The following COPB1 variants were observed in gnomAD, a reference collection of about 807,000 sequenced individuals.
The protein encoded by COPB1 is coatomer subunit beta.
A neutral mutation model predicts 108.7 loss-of-function variants in COPB1; 21 were observed. The ratio of observed to expected loss-of-function variants is 0.19; its 90% CI spans 0.14 to 0.28. COPB1 has a LOEUF of 0.28. Among genes scored for constraint, COPB1 ranks in the 10% least tolerant of loss-of-function variants. The pLI is 1.00. For missense variants in COPB1, 919 were observed against 1,141.3 expected, an observed-to-expected ratio of 0.81 and a Z score of 2.81; for synonymous variants, 378 against 386.8, an observed-to-expected ratio of 0.98 and a Z score of 0.27.
chr11:14,467,020 A>C (rs1850295604), intron 16 of COPB1, among the ~76,000 whole-genome samples: 1 of 152,244 alleles, frequency 6.6e-6, no homozygotes, highest in Non-Finnish European at 1.5e-5. Flanking sequence ...CACCAAAAGC[A>C]TAGGCAATAA....
chr11:14,498,757 T>G (rs1851082470), intron 2 of COPB1, 81 bp downstream of exon 2: 1 of 1,116,596 alleles, frequency 9.0e-7, no homozygotes, highest in East Asian at 2.7e-5. Context: ...CATTTCTAAT[T>G]ATAAAGGAAT....
chr11:14,477,213 C>T (rs983366183), intron 11 of COPB1, among the ~76,000 whole-genome samples, 198 bp from the exon 12 acceptor site: 11 of 150,708 alleles, frequency 7.3e-5, no homozygotes, highest in Non-Finnish European at 1.6e-4. Context: ...GAAATCACGT[C>T]TCTACTAAAA....
chr11:14,486,963 G>A (rs1850788576), intron 6 of COPB1, among the ~76,000 whole-genome samples: 1 of 152,134 alleles, frequency 6.6e-6, no homozygotes, highest in Non-Finnish European at 1.5e-5. Context: ...ATTAAATTTG[G>A]TCCTAAATGT....
chr11:14,473,457 C>T (rs1033477361), intron 14 of COPB1, among the ~76,000 whole-genome samples: 5 of 152,152 alleles, frequency 3.3e-5, no homozygotes, highest in Admixed American at 6.5e-5. Context: ...AAGTGAAAGA[C>T]ATGTGACTCT....
intron 14 of COPB1, among the ~76,000 whole-genome samples, chr11:14,470,944 A>ACACACACACACACACACTCTCT (rs1285522756): frequency 6.7e-5 from 6 of 90,156 alleles, no homozygotes; most frequent in African/African-American, 3.1e-4. Flanking sequence ...ACACACACAC[A>ACACACACACACACACACTCTCT]CTCTCTCTCT....
chr11:14,462,235 T>A (rs1850172948), intron 18 of COPB1, among the ~76,000 whole-genome samples: 1 of 144,522 alleles, frequency 6.9e-6, no homozygotes, highest in South Asian at 2.2e-4. Context: ...TTTCTTTTCT[T>A]TTTTTTTTTT....
At chr11:14,461,058 A>T (rs547754565) in intron 19 of COPB1, 128 bp downstream of exon 19, 70 of 1,155,474 alleles carry the variant, frequency 6.1e-5, no homozygotes, top group Non-Finnish European at 8.7e-5. Flanking sequence ...GCAAGAACAG[A>T]TACTGAAAGA....
intron 11 of COPB1, 29 bp downstream of exon 11, chr11:14,479,540 C>T (rs1436319321): frequency 7.0e-6 from 11 of 1,577,148 alleles, no homozygotes; most frequent in Non-Finnish European, 9.5e-6. Context: ...GCTTACTTGA[C>T]CTTACATTTA....
rs772029549 is a variant in COPB1 at position 14,493,706 on chromosome 11, A to C, written c.427T>G (p.Cys143Gly). ...LEPLMPAIRA[C>G]LEHRHSYVRR... ...ACATAGCTGTGTCGATGCTCCAAAC[A>C]TGCACGAATAGCTGGCATTAAAGGT... is the stretch of plus-strand genomic sequence containing the variant. The change falls in exon 4 of 22, where the codon TGT (cysteine) becomes GGT (glycine). Residue 143 changes from cysteine (C) to glycine (G), a missense_variant. This residue lies in a region of COPB1 where 78 missense variants were observed against 95.4 expected (regional missense o/e 0.82). Coordinates refer to ENST00000439561, the MANE Select transcript of COPB1 (RefSeq NM_001144061.2). 2.5e-6 allele frequency: 4 copies of C among 1,613,980 alleles called. No homozygotes were observed. Among genetic ancestry groups the C allele is most frequent in the Non-Finnish European group, 3.4e-6 (4 of 1,179,954 alleles).
At chr11:14,476,274 G>A (rs1850517724) in intron 12 of COPB1, among the ~76,000 whole-genome samples, 1 of 152,150 alleles carries the variant, frequency 6.6e-6, no homozygotes, top group Non-Finnish European at 1.5e-5. Flanking sequence ...CAAAGCAGAT[G>A]GTCATTAAGT....
At chr11:14,458,949 G>A (rs1850085052) in intron 20 of COPB1, among the ~76,000 whole-genome samples, 2 of 152,088 alleles carry the variant, frequency 1.3e-5, no homozygotes, top group Admixed American at 6.5e-5. Flanking sequence ...TGTAATTTTA[G>A]TAGAGACAGG....
chr11:14,483,246 ACAC>A lies in COPB1; in HGVS notation c.838-98_838-96del, dbSNP rs1406696852. ...GCGCACACCACACACACACACACAC[ACAC>A]ACACACACACTCCCATGAAGCCAAA... On this transcript the variant is annotated intron_variant, in intron 7 of 21. Transcript: ENST00000439561. 32 of 665,726 alleles carry A rather than the reference ACAC, an allele frequency of 4.8e-5. 1 individual carries two copies. The South Asian group carries it at 7.7e-4, about 16-fold the overall frequency. The allele number at this position is 665,726 out of a possible 1,614,324, so 41.2% of individuals were successfully genotyped here. A position where few individuals can be genotyped will look rare whatever the true frequency, so the allele number is the denominator to read the frequency against.
intron 2 of COPB1, among the ~76,000 whole-genome samples, chr11:14,496,985 T>C (rs183161636): frequency 3.9e-5 from 6 of 152,202 alleles, no homozygotes; most frequent in East Asian, 3.9e-4. Flanking sequence ...TGGAAAACTA[T>C]GTGCAGAAGA....
At chr11:14,480,339 T>C (rs1242523872) in intron 10 of COPB1, among the ~76,000 whole-genome samples, 1 of 152,126 alleles carries the variant, frequency 6.6e-6, no homozygotes, top group Non-Finnish European at 1.5e-5. Flanking sequence ...AAGGCAAAAA[T>C]CAAATTATAA....
chr11:14,497,007 C>G (rs1565026314), intron 2 of COPB1, among the ~76,000 whole-genome samples: 1 of 152,100 alleles, frequency 6.6e-6, no homozygotes, highest in Non-Finnish European at 1.5e-5. Flanking sequence ...TGAAACTTGT[C>G]CCCCATCTCT....
chr11:14,475,414 A>C (rs918894758), intron 13 of COPB1, among the ~76,000 whole-genome samples: 2 of 152,216 alleles, frequency 1.3e-5, no homozygotes, highest in Admixed American at 6.5e-5. Context: ...AAATTTACTT[A>C]ATAGAAAAAT....
Position 14,457,715 on chromosome 11 carries a change from C to T in COPB1, c.*109G>A. On this transcript the variant is annotated 3_prime_UTR_variant, in exon 22 of 22. Coordinates refer to ENST00000439561, the MANE Select transcript of COPB1 (RefSeq NM_001144061.2). The stretch of plus-strand genomic sequence containing the variant: ...TATAAATTATTGGCTGAAAAGTATT[C>T]AGCATGAACTCAGATTCTATATAAG... The T allele has an allele frequency of 2.7e-6, 2 of 732,886 alleles. No individual in the cohort carries two copies. The highest frequency in any genetic ancestry group is 1.5e-5 in the South Asian group (1 of 65,542). 45.4% of individuals were successfully genotyped at this position (732,886 alleles called of 1,614,324 possible).
chr11:14,461,185 C>T lies in COPB1; in HGVS notation c.2556+1G>A. 1 of 1,614,134 alleles carries T rather than the reference C, an allele frequency of 6.2e-7. No individual in the cohort carries two copies. The highest frequency in any genetic ancestry group is 8.5e-7 in the Non-Finnish European group (1 of 1,180,020). ...TATGAGAAAATCTCCCAAGGACTAA[C>T]TTTGTTTTCCCATTCAAATTCGGCC... is the stretch of plus-strand genomic sequence containing the variant. On this transcript the variant is annotated splice_donor_variant, in intron 19 of 21. Transcript: ENST00000439561. LOFTEE classifies it high-confidence loss of function.
At chr11:14,460,697 T>A (rs1850126600) in intron 19 of COPB1, among the ~76,000 whole-genome samples, 1 of 151,910 alleles carries the variant, frequency 6.6e-6, no homozygotes, top group South Asian at 2.1e-4. Context: ...AGAGATGGAG[T>A]TTCACCATTT....
Sources: allele counts gnomAD v4.1 joint callset (sites outside exome capture counted in the v4.1 genomes callset), GRCh38; gene constraint gnomAD v4.1.1; regional missense constraint gnomAD v4.1.1; transcripts MANE v1.5; gene names NCBI Gene and HGNC (gene_info 2026-07-23, HGNC 2026-07-21).